The following OSBPL10 variants were observed in gnomAD, a reference collection of about 807,000 sequenced individuals.
The protein encoded by OSBPL10 is oxysterol-binding protein-related protein 10.
OSBPL10 carries 49 observed loss-of-function variants against 81.7 expected under a neutral mutation model. That is an observed-to-expected ratio of 0.60 (90% CI 0.48 to 0.76). The LOEUF is 0.76. Among genes scored for constraint, OSBPL10 ranks in the 30% least tolerant of loss-of-function variants. OSBPL10 has a pLI of 0.00. For synonymous variants in OSBPL10, 419 were observed against 383.6 expected (o/e 1.09, Z -1.08); for missense variants, 923 against 987.8 (o/e 0.93, Z 0.88).
chr3:31,835,566 G>C (rs1382552669), intron 3 of OSBPL10, among the ~76,000 whole-genome samples: 1 of 152,032 alleles, frequency 6.6e-6, no homozygotes, highest in Non-Finnish European at 1.5e-5. Flanking sequence ...ACATTCAAAT[G>C]ACATTTACTT....
chr3:32,036,784 C>T (rs931736228), intron 2 of OSBPL10, among the ~76,000 whole-genome samples: 6 of 150,246 alleles, frequency 4.0e-5, no homozygotes, highest in Non-Finnish European at 7.4e-5. Flanking sequence ...GATGGCACCA[C>T]TGCACTCCAG....
At chr3:31,826,596 A>C (rs181389744) in intron 4 of OSBPL10, among the ~76,000 whole-genome samples, 1 of 152,088 alleles carries the variant, frequency 6.6e-6, no homozygotes, top group East Asian at 1.9e-4. Flanking sequence ...GTGTATGATG[A>C]TTTTCTCCAT....
chr3:31,977,548 C>G (rs1005550023), intron 1 of OSBPL10, among the ~76,000 whole-genome samples: 5 of 152,134 alleles, frequency 3.3e-5, no homozygotes, highest in Non-Finnish European at 7.4e-5. Context: ...TTTACTCTCC[C>G]CATGGTTCAC....
At chr3:31,804,284 TCA>T (rs1268118591) in intron 4 of OSBPL10, among the ~76,000 whole-genome samples, 2 of 152,188 alleles carry the variant, frequency 1.3e-5, no homozygotes, top group East Asian at 1.9e-4. Flanking sequence ...ACTATCAACA[TCA>T]CAGATTTTTA....
At chr3:31,834,485 AC>A (rs1357475029) in intron 3 of OSBPL10, among the ~76,000 whole-genome samples, 1 of 152,024 alleles carries the variant, frequency 6.6e-6, no homozygotes, top group East Asian at 1.9e-4. Context: ...AGCAGGTGAG[AC>A]CAAGTGCTGA....
At chr3:31,913,241 T>G (rs201190164) in intron 1 of OSBPL10, among the ~76,000 whole-genome samples, 28,219 of 150,828 alleles carry the variant, frequency 0.19, 2,819 homozygotes, top group East Asian at 0.31. Flanking sequence ...TTTTTTTTTA[T>G]TTTGTTTTTT....
At chr3:31,849,710 T>C (rs891135615) in intron 3 of OSBPL10, among the ~76,000 whole-genome samples, 1 of 152,168 alleles carries the variant, frequency 6.6e-6, no homozygotes, top group Non-Finnish European at 1.5e-5. Context: ...CAGATCCATA[T>C]ACATACATAT....
chr3:31,908,078 CTG>C lies in OSBPL10; in HGVS notation c.282-28250_282-28249del, dbSNP rs1022905445. 9.7e-4 allele frequency among the ~76,000 whole-genome samples: 147 copies of C among 152,176 alleles called. 1 individual carries two copies. The highest frequency in any genetic ancestry group is 3.3e-3 in the African/African-American group (136 of 41,514). On this transcript the variant is annotated intron_variant, in intron 1 of 11. Coordinates refer to ENST00000396556, the MANE Select transcript of OSBPL10 (RefSeq NM_017784.5). ...TAAAGCATGGTGGCGGTAAAAATAA[CTG>C]TGTTTCAGGCAATAAATACAGACTC...
Position 31,937,861 on chromosome 3 carries a change from G to A in OSBPL10, c.281+43038C>T, listed in dbSNP as rs1277307189. On this transcript the variant is annotated intron_variant, in intron 1 of 11. Coordinates refer to ENST00000396556, the MANE Select transcript of OSBPL10 (RefSeq NM_017784.5). ...TCTCAATCATTCTATCTCATTCGCTGAAGACCTTTTCCCCTGGTTCAGTCC... is the reference window on the plus strand; with the variant it reads ...TCTCAATCATTCTATCTCATTCGCTAAAGACCTTTTCCCCTGGTTCAGTCC... 2.6e-5 allele frequency among the ~76,000 whole-genome samples: 4 copies of A among 152,102 alleles called. No homozygotes were observed. The South Asian group carries it at 6.2e-4, about 24-fold the overall frequency.
chr3:31,811,120 C>T (rs1174373692), intron 4 of OSBPL10, among the ~76,000 whole-genome samples: 2 of 151,632 alleles, frequency 1.3e-5, no homozygotes, highest in African/African-American at 2.4e-5. Context: ...TGCAGTATTC[C>T]GCTACTCCCC....
rs1304059480 is a variant in OSBPL10, at chr3:31,808,960, A to C, written c.729+21080T>G. Reference sequence around the variant, plus strand: ...TCTGGACTTCGTAAAACTCTTAATCAAGTAATATACCTGTAATATATAAAC... The same window carrying C: ...TCTGGACTTCGTAAAACTCTTAATCCAGTAATATACCTGTAATATATAAAC... On this transcript the variant is annotated intron_variant, in intron 4 of 11. Transcript: ENST00000396556. Among the ~76,000 whole-genome samples, 6 of 152,216 alleles carry C rather than the reference A, an allele frequency of 3.9e-5. No individual in the cohort carries two copies. The East Asian group carries it at 1.2e-3, about 29-fold the overall frequency.
chr3:31,927,715 C>T (rs1372467301), intron 1 of OSBPL10, among the ~76,000 whole-genome samples: 2 of 152,130 alleles, frequency 1.3e-5, no homozygotes, highest in Non-Finnish European at 2.9e-5. Context: ...GTATATCTAC[C>T]GCTGGCCTTC....
chr3:31,873,712 T>C (rs1701386210), intron 3 of OSBPL10, among the ~76,000 whole-genome samples: 1 of 152,144 alleles, frequency 6.6e-6, no homozygotes, highest in African/African-American at 2.4e-5. Flanking sequence ...AGAAACACGG[T>C]GAAGAGGAGG....
At chr3:31,965,833 TAATA>T (rs1244465446) in intron 1 of OSBPL10, among the ~76,000 whole-genome samples, 8 of 84,230 alleles carry the variant, frequency 9.5e-5, no homozygotes, top group African/African-American at 4.3e-4. Flanking sequence ...TATAAATATA[TAATA>T]TATATTATAT....
At chr3:32,018,844 C>T (rs1699337625) in intron 2 of OSBPL10, among the ~76,000 whole-genome samples, 1 of 151,666 alleles carries the variant, frequency 6.6e-6, no homozygotes, top group Non-Finnish European at 1.5e-5. Context: ...TAATTGAATA[C>T]AAACAGGCAA....
chr3:31,709,068 T>C (rs1462636095), intron 6 of OSBPL10: 2 of 982,576 alleles, frequency 2.0e-6, no homozygotes, highest in Admixed American at 6.2e-5. Context: ...TGGAGGTAGA[T>C]TCAACAACGA....
intron 4 of OSBPL10, among the ~76,000 whole-genome samples, chr3:31,807,521 C>T (rs1699551393): frequency 6.6e-6 from 1 of 150,532 alleles, no homozygotes; most frequent in South Asian, 2.1e-4. Context: ...AATCCTAGCA[C>T]TTTGGGAGGC....
chr3:31,777,611 A>G (rs949559893), intron 4 of OSBPL10, among the ~76,000 whole-genome samples: 1 of 152,190 alleles, frequency 6.6e-6, no homozygotes, highest in Non-Finnish European at 1.5e-5. Context: ...AGGAAAATCA[A>G]AAGAATTCAC....
intron 1 of OSBPL10, among the ~76,000 whole-genome samples, chr3:31,969,123 C>CA (rs1373975759): frequency 3.9e-5 from 6 of 152,182 alleles, no homozygotes; most frequent in African/African-American, 1.2e-4. Flanking sequence ...GGGTGGAACT[C>CA]AGACACACAA....
Sources: gnomAD v4.1 joint callset for allele counts (sites outside exome capture counted in the v4.1 genomes callset) on GRCh38, gnomAD v4.1.1 for gene constraint, MANE v1.5 for transcripts, NCBI Gene and HGNC (gene_info 2026-07-23, HGNC 2026-07-21) for gene names.